The following SLC39A11 variants were observed in gnomAD, a reference collection of about 807,000 sequenced individuals.
The protein encoded by SLC39A11 is zinc transporter ZIP11.
SLC39A11 carries 33 observed loss-of-function variants against 36.1 expected under a neutral mutation model. The observed-to-expected ratio is 0.91, with a 90% CI of 0.69 to 1.22. The LOEUF (loss-of-function observed/expected upper bound fraction) is 1.22, where lower values mean the gene tolerates loss of function less well. Among genes scored for constraint, SLC39A11 ranks in the 50% most tolerant of loss-of-function variants. The probability of loss-of-function intolerance (pLI) is 0.00; values close to 1 mark genes in which losing one functional copy is unlikely to be tolerated. For missense variants in SLC39A11, 432 were observed against 430.3 expected (o/e 1.00, Z -0.03); for synonymous variants, 166 against 170.3 (o/e 0.97, Z 0.20).
chr17:72,712,248 ACTT>A lies in SLC39A11; in HGVS notation c.671+24399_671+24401del, dbSNP rs1412269444. 1.3e-5 allele frequency among the ~76,000 whole-genome samples: 2 copies of A among 152,204 alleles called. 1 individual carries two copies. The highest frequency in any genetic ancestry group is 4.1e-4 in the South Asian group (2 of 4,834). ...CTCCAAAGACATGTGACATATGTGGACTTCTTCTCCCTGTTTTCATCTGCCTGT... is the reference window on the plus strand; with the variant it reads ...CTCCAAAGACATGTGACATATGTGGACTTCTCCCTGTTTTCATCTGCCTGT... On this transcript the variant is annotated intron_variant, in intron 7 of 9. Coordinates refer to ENST00000255559, the MANE Select transcript of SLC39A11 (RefSeq NM_139177.4).
chr17:72,662,615 GAGAGAAGAA>G (rs1420745981), intron 7 of SLC39A11, among the ~76,000 whole-genome samples: 14 of 87,572 alleles, frequency 1.6e-4, no homozygotes, highest in Admixed American at 1.2e-3. Context: ...AGGAAGGAAG[GAGAGAAGAA>G]AGAGAAGAAA....
At chr17:72,726,460 A>G (rs1001385126) in intron 7 of SLC39A11, among the ~76,000 whole-genome samples, 3 of 152,126 alleles carry the variant, frequency 2.0e-5, no homozygotes, top group African/African-American at 7.2e-5. Context: ...GCAGCAAGCT[A>G]TGATTGTGCC....
Position 72,849,759 on chromosome 17 carries a change from G to A in SLC39A11, c.476C>T (p.Ala159Val), listed in dbSNP as rs1451633887. Residue 159 changes from alanine (A) to valine (V), a missense_variant, in exon 6 of 10, where the codon GCC becomes GTC. Ala to Val is a moderately conservative substitution (Grantham distance 64). Coordinates refer to ENST00000255559, the MANE Select transcript of SLC39A11 (RefSeq NM_139177.4). ...GEAYQRKKAA[A>V]TGLPEGPAVP... ...AGCAGGACCCTCTGGAAGGCCAGTG[G>A]CTGCCGCCTTCTTTCTCTGATATGC... 3 of 1,602,220 alleles carry A rather than the reference G, an allele frequency of 1.9e-6. No homozygotes were observed. Among genetic ancestry groups the A allele is most frequent in the South Asian group, 1.1e-5 (1 of 89,390 alleles).
At chr17:72,982,109 C>T (rs1317322718) in intron 4 of SLC39A11, among the ~76,000 whole-genome samples, 3 of 151,576 alleles carry the variant, frequency 2.0e-5, no homozygotes, top group Non-Finnish European at 4.4e-5. Flanking sequence ...ACAAAGAAGA[C>T]TCCATGAAAT....
intron 4 of SLC39A11, among the ~76,000 whole-genome samples, chr17:72,967,024 A>G (rs916216194): frequency 3.3e-5 from 5 of 152,154 alleles, no homozygotes; most frequent in Admixed American, 1.3e-4. Context: ...CCTTATGAGA[A>G]TCTAATGCCT....
intron 5 of SLC39A11, among the ~76,000 whole-genome samples, chr17:72,916,466 T>C (rs763295386): frequency 2.0e-5 from 3 of 151,460 alleles, no homozygotes; most frequent in African/African-American, 7.3e-5. Flanking sequence ...ATGTCTATTA[T>C]GGTCCTCTTC....
Position 72,646,904 on chromosome 17 carries a change from G to A in SLC39A11, c.*680C>T, listed in dbSNP as rs1361245021. On this transcript the variant is annotated 3_prime_UTR_variant, in exon 10 of 10. Coordinates refer to ENST00000255559, the MANE Select transcript of SLC39A11 (RefSeq NM_139177.4). The stretch of plus-strand genomic sequence containing the variant: ...CCACAGGGCTCACTGTGAGTTCACA[G>A]TTGTCCTCATCCCCTTTCCTTCAAT... The A allele has an allele frequency of 6.9e-6, 1 of 145,608 alleles. No individual in the cohort carries two copies. The highest frequency in any genetic ancestry group is 2.1e-4 in the East Asian group (1 of 4,730). The allele number at this position is 145,608 out of a possible 1,614,324, so 9.0% of individuals were successfully genotyped here.
At chr17:73,045,907 C>G (rs1344227989) in intron 3 of SLC39A11, among the ~76,000 whole-genome samples, 1 of 152,220 alleles carries the variant, frequency 6.6e-6, no homozygotes, top group Non-Finnish European at 1.5e-5. Flanking sequence ...AGCCACCAAC[C>G]CATCAGCACT....
chr17:73,004,188 AAAG>A, intron 4 of SLC39A11, among the ~76,000 whole-genome samples: 1 of 95,594 alleles, frequency 1.0e-5, no homozygotes, highest in African/African-American at 4.2e-5. Context: ...AGAAAGAAAG[AAAG>A]AAAGAAAGAA....
chr17:72,796,506 C>T (rs564434532), intron 6 of SLC39A11, among the ~76,000 whole-genome samples: 3 of 152,248 alleles, frequency 2.0e-5, no homozygotes, highest in Admixed American at 6.5e-5. Context: ...GCAGTCTGAG[C>T]TTGGCCCCTG....
chr17:72,875,534 T>C (rs2080856843), intron 5 of SLC39A11, among the ~76,000 whole-genome samples: 1 of 152,184 alleles, frequency 6.6e-6, no homozygotes, highest in African/African-American at 2.4e-5. Context: ...TGATGCCAAA[T>C]GCTCCAACAA....
chr17:73,017,976 T>C (rs1306053804), intron 4 of SLC39A11, among the ~76,000 whole-genome samples: 2 of 152,154 alleles, frequency 1.3e-5, no homozygotes, highest in African/African-American at 4.8e-5. Context: ...TACTAGAAGA[T>C]AAAATTCCAA....
intron 3 of SLC39A11, among the ~76,000 whole-genome samples, chr17:73,075,862 C>T (rs1254282290): frequency 1.3e-5 from 2 of 152,014 alleles, no homozygotes; most frequent in Non-Finnish European, 2.9e-5. Flanking sequence ...CAAAAAAATC[C>T]CAGATCTGCT....
At chr17:72,797,198 C>T (rs1364543429) in intron 6 of SLC39A11, among the ~76,000 whole-genome samples, 2 of 152,070 alleles carry the variant, frequency 1.3e-5, no homozygotes, top group African/African-American at 2.4e-5. Flanking sequence ...CACAAATACC[C>T]GCCATCCAAA....
At chr17:72,718,970 G>A (rs562610926) in intron 7 of SLC39A11, among the ~76,000 whole-genome samples, 1 of 152,044 alleles carries the variant, frequency 6.6e-6, no homozygotes, top group Non-Finnish European at 1.5e-5. Flanking sequence ...CAGGTTCAGT[G>A]GCTCACGCCT....
intron 5 of SLC39A11, among the ~76,000 whole-genome samples, chr17:72,931,314 C>A (rs944471873): frequency 1.6e-4 from 25 of 152,144 alleles, no homozygotes; most frequent in African/African-American, 5.8e-4. Context: ...ACTGCAGAAG[C>A]GAGAGGAAAA....
intron 5 of SLC39A11, among the ~76,000 whole-genome samples, chr17:72,873,312 AT>A (rs1474429944): frequency 1.3e-5 from 2 of 152,150 alleles, no homozygotes; most frequent in Non-Finnish European, 2.9e-5. Flanking sequence ...GCACAAGAAG[AT>A]AGCTTCAACC....
chr17:72,886,736 G>A (rs1477272528), intron 5 of SLC39A11, among the ~76,000 whole-genome samples: 3 of 152,120 alleles, frequency 2.0e-5, no homozygotes, highest in South Asian at 2.1e-4. Flanking sequence ...GTCCCTGCCC[G>A]CTGGAACACT....
intron 6 of SLC39A11, among the ~76,000 whole-genome samples, chr17:72,753,819 T>G (rs1052779248): frequency 7.4e-6 from 1 of 134,958 alleles, no homozygotes; most frequent in African/African-American, 2.9e-5. Flanking sequence ...CTTAAAGAAC[T>G]ATAAGTAGAA....
Sources: allele counts gnomAD v4.1 joint callset (sites outside exome capture counted in the v4.1 genomes callset), GRCh38; gene constraint gnomAD v4.1.1; transcripts MANE v1.5; gene names NCBI Gene and HGNC (gene_info 2026-07-23, HGNC 2026-07-21).